ZFPM2: variants seen among roughly 807,000 people sequenced by gnomAD.
The protein encoded by ZFPM2 is zinc finger protein ZFPM2.
ZFPM2 carries 20 observed loss-of-function variants against 98.6 expected under a neutral mutation model. That is an observed-to-expected ratio of 0.20 (90% CI 0.14 to 0.29). The LOEUF is 0.29. Among genes scored for constraint, ZFPM2 ranks in the 10% least tolerant of loss-of-function variants. The probability of loss-of-function intolerance (pLI) is 1.00; values close to 1 mark genes in which losing one functional copy is unlikely to be tolerated. For missense variants in ZFPM2, 1,310 were observed against 1,388.6 expected (o/e 0.94, Z 0.90); for synonymous variants, 518 against 502.7 (o/e 1.03, Z -0.41).
At chr8:105,347,294 T>C (rs1812557277) in intron 1 of ZFPM2, among the ~76,000 whole-genome samples, 1 of 152,140 alleles carries the variant, frequency 6.6e-6, no homozygotes, top group South Asian at 2.1e-4. Context: ...ACATAAAACT[T>C]CCAGTCATTG....
intron 5 of ZFPM2, among the ~76,000 whole-genome samples, chr8:105,722,780 G>C (rs1264230656): frequency 1.3e-5 from 2 of 151,742 alleles, no homozygotes; most frequent in Non-Finnish European, 2.9e-5. Context: ...GGTGAAATGG[G>C]AGGCAGGAGA....
At position 105,803,396 on chromosome 8, in the gene ZFPM2, C is replaced by G; in HGVS notation, c.3314C>G (p.Ala1105Gly). 1 of 1,613,802 alleles carries G rather than the reference C, an allele frequency of 6.2e-7. No homozygotes were observed. The highest frequency in any genetic ancestry group is 8.5e-7 in the Non-Finnish European group (1 of 1,179,808). ...GCAGAGGAACAGTTGTCTAGTATAG[C>G]AAAAGGTGTGAATGGTTCCAGCCAG... Reference protein sequence around the residue: ...PSAEEQLSSIAKGVNGSSQAP... With the variant: ...PSAEEQLSSIGKGVNGSSQAP... Residue 1105 changes from alanine (A) to glycine (G), a missense_variant, in exon 8 of 8, where the codon GCA becomes GGA. By Grantham distance (60) the Ala-to-Gly change is moderately conservative. Transcript: ENST00000407775.
chr8:105,588,731 T>C (rs576054226), intron 4 of ZFPM2, among the ~76,000 whole-genome samples: 1 of 152,358 alleles, frequency 6.6e-6, no homozygotes, highest in African/African-American at 2.4e-5. Flanking sequence ...ATTTGTTTTG[T>C]TGACATGTGA....
chr8:105,621,693 TTTA>T (rs1816550425), intron 4 of ZFPM2, among the ~76,000 whole-genome samples: 1 of 152,164 alleles, frequency 6.6e-6, no homozygotes, highest in Non-Finnish European at 1.5e-5. Context: ...TTTAGATATT[TTTA>T]TTATTAATAT....
intron 4 of ZFPM2, among the ~76,000 whole-genome samples, chr8:105,562,096 A>G (rs1201329106): frequency 1.3e-5 from 2 of 152,084 alleles, no homozygotes; most frequent in Non-Finnish European, 2.9e-5. Flanking sequence ...ACTTGAGGTC[A>G]GGAGTTCGAG....
chr8:105,503,109 A>C (rs148003303), intron 3 of ZFPM2, among the ~76,000 whole-genome samples: 40 of 152,314 alleles, frequency 2.6e-4, no homozygotes, highest in African/African-American at 7.7e-4. Context: ...ATAACAAGCA[A>C]ATAAAGCTAT....
At chr8:105,553,445 C>T (rs1814909704) in intron 3 of ZFPM2, among the ~76,000 whole-genome samples, 1 of 152,116 alleles carries the variant, frequency 6.6e-6, no homozygotes, top group Admixed American at 6.5e-5. Flanking sequence ...TTGAGAAATA[C>T]AGTAATTTTA....
intron 3 of ZFPM2, among the ~76,000 whole-genome samples, chr8:105,548,321 A>G (rs767512691): frequency 6.6e-6 from 1 of 152,120 alleles, no homozygotes; most frequent in Non-Finnish European, 1.5e-5. Flanking sequence ...TAAGAAAAAT[A>G]TTTTATAAGA....
At chr8:105,670,399 G>A (rs1443084443) in intron 5 of ZFPM2, among the ~76,000 whole-genome samples, 1 of 151,244 alleles carries the variant, frequency 6.6e-6, no homozygotes. Flanking sequence ...GGGAGGTTGA[G>A]GCAGGAGAAT....
At chr8:105,647,673 C>T (rs564228481) in intron 5 of ZFPM2, among the ~76,000 whole-genome samples, 1 of 152,152 alleles carries the variant, frequency 6.6e-6, no homozygotes, top group South Asian at 2.1e-4. Context: ...TGATGATTTC[C>T]AACTTCATCC....
At chr8:105,320,022 C>T (rs1011853271) in intron 1 of ZFPM2, among the ~76,000 whole-genome samples, 1 of 152,146 alleles carries the variant, frequency 6.6e-6, no homozygotes, top group Non-Finnish European at 1.5e-5. Flanking sequence ...TATGATGTGT[C>T]TGTTTCACCG....
At chr8:105,554,562 C>G (rs1014964983) in intron 3 of ZFPM2, among the ~76,000 whole-genome samples, 1 of 152,174 alleles carries the variant, frequency 6.6e-6, no homozygotes, top group African/African-American at 2.4e-5. Context: ...CTATAGCCTT[C>G]TGCTATACTA....
intron 3 of ZFPM2, among the ~76,000 whole-genome samples, chr8:105,509,047 G>A (rs1197519105): frequency 1.3e-5 from 2 of 151,918 alleles, no homozygotes; most frequent in South Asian, 2.1e-4. Context: ...GTAGAGCGCC[G>A]GGCCCACAAG....
intron 5 of ZFPM2, among the ~76,000 whole-genome samples, chr8:105,672,566 A>G (rs1321340716): frequency 4.6e-5 from 7 of 152,124 alleles, no homozygotes; most frequent in South Asian, 4.1e-4. Flanking sequence ...AAAATCTGAT[A>G]TGAATATTTA....
intron 1 of ZFPM2, among the ~76,000 whole-genome samples, chr8:105,371,114 A>G (rs1472008232): frequency 1.3e-5 from 2 of 152,200 alleles, no homozygotes; most frequent in Non-Finnish European, 2.9e-5. Context: ...TAAATCCTAG[A>G]AATGTTAAGC....
intron 5 of ZFPM2, among the ~76,000 whole-genome samples, chr8:105,696,771 C>T (rs1441860130): frequency 6.6e-6 from 1 of 152,028 alleles, no homozygotes; most frequent in East Asian, 1.9e-4. Flanking sequence ...TAAATAATAG[C>T]ATTATTTCTG....
intron 5 of ZFPM2, among the ~76,000 whole-genome samples, chr8:105,642,956 T>G (rs1816975102): frequency 6.6e-6 from 1 of 152,154 alleles, no homozygotes; most frequent in African/African-American, 2.4e-5. Flanking sequence ...TCAGTTTAGT[T>G]AAAGTTGAGA....
chr8:105,748,761 T>G (rs1812410024), intron 5 of ZFPM2, among the ~76,000 whole-genome samples: 1 of 152,110 alleles, frequency 6.6e-6, no homozygotes, highest in African/African-American at 2.4e-5. Context: ...TCTCTGCATT[T>G]GTTGTCATGT....
intron 2 of ZFPM2, among the ~76,000 whole-genome samples, chr8:105,428,625 A>C (rs537034045): frequency 6.6e-6 from 1 of 152,324 alleles, no homozygotes; most frequent in Admixed American, 6.5e-5. Flanking sequence ...AATCCATCAA[A>C]ACTATTTGGA....
Sources: gnomAD v4.1 joint callset for allele counts (sites outside exome capture counted in the v4.1 genomes callset) on GRCh38, gnomAD v4.1.1 for gene constraint, MANE v1.5 for transcripts, NCBI Gene and HGNC (gene_info 2026-07-23, HGNC 2026-07-21) for gene names.